The following FLT3 variants were observed in gnomAD, a reference collection of about 807,000 sequenced individuals.
The protein encoded by FLT3 is fms related receptor tyrosine kinase 3.
A neutral mutation model predicts 126.6 loss-of-function variants in FLT3; 46 were observed. The ratio of observed to expected loss-of-function variants is 0.36; its 90% CI spans 0.29 to 0.46. The LOEUF is 0.46. FLT3 is among the 20% of genes least tolerant of loss of function. FLT3 has a pLI of 1.00. For synonymous variants in FLT3, 404 were observed against 434.4 expected (o/e 0.93, Z 0.87); for missense variants, 1,069 against 1,190.3 (o/e 0.90, Z 1.50).
At chr13:28,091,329 C>G (rs1412444357) in intron 1 of FLT3, among the ~76,000 whole-genome samples, 9 of 140,726 alleles carry the variant, frequency 6.4e-5, no homozygotes, top group Non-Finnish European at 1.2e-4. Context: ...TCACGCCATT[C>G]TCCTGCCTCA....
At chr13:28,024,129 C>T (rs1220427175) in intron 18 of FLT3, among the ~76,000 whole-genome samples, 28 of 98,886 alleles carry the variant, frequency 2.8e-4, no homozygotes, top group African/African-American at 6.1e-4. Context: ...CTTTTTTTTT[C>T]TTTCTTTCTT....
At chr13:28,097,635 G>C (rs1413235230) in intron 1 of FLT3, among the ~76,000 whole-genome samples, 1 of 152,172 alleles carries the variant, frequency 6.6e-6, no homozygotes, top group Non-Finnish European at 1.5e-5. Flanking sequence ...GCAAAAATTA[G>C]AACTAGAGTT....
At position 28,023,456 on chromosome 13, in the gene FLT3, T is replaced by G. The variant is rs149791635; in HGVS notation, c.2312A>C (p.Gln771Pro). The G allele has an allele frequency of 3.4e-4, 556 of 1,614,044 alleles. 2 individuals are homozygous for G. In the African/African-American group the frequency reaches 4.2e-3, roughly 12 times the overall value. Reference sequence around the variant, plus strand: ...GTCCTCCTCTTCTTCCAGCCTTTTTTGGTTTTCATATTCAATTTCATCTGT... The same window carrying G: ...GTCCTCCTCTTCTTCCAGCCTTTTTGGGTTTTCATATTCAATTTCATCTGT... ...HSEDEIEYEN[Q>P]KRLEEEEDLN... Residue 771 changes from glutamine to proline, a missense_variant, in exon 19 of 24, where the codon CAA (glutamine) becomes CCA (proline). Coordinates refer to ENST00000241453, the MANE Select transcript of FLT3 (RefSeq NM_004119.3).
intron 23 of FLT3, among the ~76,000 whole-genome samples, chr13:28,004,905 G>A (rs894765038): frequency 2.6e-5 from 4 of 152,154 alleles, no homozygotes; most frequent in Admixed American, 2.0e-4. Flanking sequence ...TAATACAAGG[G>A]ACTGATTCTT....
chr13:28,041,026 C>A (rs1407171575), intron 9 of FLT3, among the ~76,000 whole-genome samples: 3 of 150,656 alleles, frequency 2.0e-5, no homozygotes, highest in Non-Finnish European at 4.4e-5. Flanking sequence ...GCTTTGTTAA[C>A]AAGAAGGCTG....
At position 28,070,494 on chromosome 13, in the gene FLT3, G is replaced by A. The variant is rs746961693; in HGVS notation, c.162C>T (p.Pro54=). The change falls in exon 2 of 24, where the codon CCC becomes CCT. Residue 54 remains proline, a synonymous_variant. Coordinates refer to ENST00000241453, the MANE Select transcript of FLT3 (RefSeq NM_004119.3). ...DSSVGKSSSY[P]MVSESPEDLG... is the part of the protein sequence containing the mutation. ...TATAATTTTAATGTTACTTTACCAT[G>A]GGATATGATGATGACTTCCCCACTG... is the stretch of plus-strand genomic sequence containing the variant. 5 of 1,608,510 alleles carry A rather than the reference G, an allele frequency of 3.1e-6. No individual in the cohort carries two copies. Among genetic ancestry groups the A allele is most frequent in the Non-Finnish European group, 4.3e-6 (5 of 1,176,438 alleles).
At chr13:28,075,679 C>G (rs1009683146) in intron 1 of FLT3, among the ~76,000 whole-genome samples, 2 of 151,160 alleles carry the variant, frequency 1.3e-5, no homozygotes, top group South Asian at 2.1e-4. Context: ...GAGCAGGGAT[C>G]ACGCCATTGC....
In FLT3 at chr13:28,100,051, T is replaced by C. The variant is rs1459472235; in HGVS notation, c.43+417A>G. Among the ~76,000 whole-genome samples the C allele has an allele frequency of 6.6e-6, 1 of 152,088 alleles. No homozygotes were observed. Among genetic ancestry groups the C allele is most frequent in the African/African-American group, 2.4e-5 (1 of 41,436 alleles). ...AAAGACGACACCCAGGTGTCTACAG[T>C]ATCCAAGGGCCGGGCCAGGAGAGGT... On this transcript the variant is annotated intron_variant, in intron 1 of 23. Transcript: ENST00000241453. The surrounding 1 kb of genome is among the most constrained non-coding windows in gnomAD (Gnocchi z 4.8).
chr13:28,061,599 T>G (rs1876568188), intron 3 of FLT3, among the ~76,000 whole-genome samples: 1 of 150,916 alleles, frequency 6.6e-6, no homozygotes, highest in Admixed American at 6.6e-5. Flanking sequence ...AAAACCATGG[T>G]GCCTAGAAAA....
At chr13:28,059,403 C>A (rs903335432) in intron 3 of FLT3, among the ~76,000 whole-genome samples, 1 of 152,104 alleles carries the variant, frequency 6.6e-6, no homozygotes, top group African/African-American at 2.4e-5. Flanking sequence ...CATCTCATTT[C>A]GGCAAGAGGA....
Position 28,033,936 on chromosome 13 carries a change from T to G in FLT3, c.1893A>C (p.Gly631=). ...FGKVMNATAY[G]ISKTGVSIQV... is the part of the protein sequence containing the mutation. ...GGATTGAGACTCCTGTTTTGCTAAT[T>G]CCATAAGCTGTTGCGTTCATCACTT... The change falls in exon 15 of 24, where the codon GGA becomes GGC. Residue 631 remains glycine, a synonymous_variant. Coordinates refer to ENST00000241453, the MANE Select transcript of FLT3 (RefSeq NM_004119.3). 1 of 1,614,214 alleles carries G rather than the reference T, an allele frequency of 6.2e-7. No individual in the cohort carries two copies. Among genetic ancestry groups the G allele is most frequent in the Non-Finnish European group, 8.5e-7 (1 of 1,180,044 alleles).
rs369177963 is a variant in FLT3, at chr13:28,018,560, G to C, written c.2448C>G (p.Asn816Lys). 1 of 1,614,110 alleles carries C rather than the reference G, an allele frequency of 6.2e-7. No individual in the cohort carries two copies. The highest frequency in any genetic ancestry group is 8.5e-7 in the Non-Finnish European group (1 of 1,179,982). The change falls in exon 20 of 24, where the codon AAC (asparagine) becomes AAG (lysine). Residue 816 changes from asparagine (N) to lysine (K), a missense_variant. Coordinates refer to ENST00000241453, the MANE Select transcript of FLT3 (RefSeq NM_004119.3). Reference sequence around the variant, plus strand: ...CCACTTTCCCGTGGGTGACAAGCACGTTCCTGGCGGCCAGGTCTCTGTGAA... The same window carrying C: ...CCACTTTCCCGTGGGTGACAAGCACCTTCCTGGCGGCCAGGTCTCTGTGAA... ...SCVHRDLAAR[N>K]VLVTHGKVVK...
At chr13:28,050,842 T>TTA (rs1875381031) in intron 5 of FLT3, among the ~76,000 whole-genome samples, 1 of 146,616 alleles carries the variant, frequency 6.8e-6, no homozygotes, top group African/African-American at 2.5e-5. Context: ...GGTCCTATTT[T>TTA]AAAAAAAAAA....
intron 15 of FLT3, among the ~76,000 whole-genome samples, chr13:28,030,189 C>T (rs1490538704): frequency 2.6e-5 from 4 of 152,298 alleles, no homozygotes; most frequent in South Asian, 2.1e-4. Flanking sequence ...GGCAAGCTCT[C>T]AGGGGTATCC....
intron 3 of FLT3, among the ~76,000 whole-genome samples, chr13:28,060,733 TAG>T (rs1203204448): frequency 2.0e-5 from 3 of 151,996 alleles, no homozygotes; most frequent in Non-Finnish European, 4.4e-5. Flanking sequence ...GCCTCCCAAG[TAG>T]CTGTGATTAC....
In FLT3 at chr13:28,004,076, C is replaced by G; in HGVS notation, c.2958G>C (p.Pro986=). 6.2e-7 allele frequency: 1 copy of G among 1,613,992 alleles called. No individual in the cohort carries two copies. Among genetic ancestry groups the G allele is most frequent in the South Asian group, 1.1e-5 (1 of 91,070 alleles). The change falls in exon 24 of 24, where the codon CCG becomes CCC. Residue 986 remains proline, a synonymous_variant. Coordinates refer to ENST00000241453, the MANE Select transcript of FLT3 (RefSeq NM_004119.3). Reference sequence around the variant, plus strand: ...TCTACGAATCTTCGACCTGAGCCTGCGGAGAGAGTAGCCCCAAATCCATCT... The same window carrying G: ...TCTACGAATCTTCGACCTGAGCCTGGGGAGAGAGTAGCCCCAAATCCATCT... ...SREMDLGLLS[P]QAQVEDS
chr13:28,050,450 C>T lies in FLT3; in HGVS notation c.615-228G>A, dbSNP rs4769589. On this transcript the variant is annotated intron_variant, in intron 5 of 23. Transcript: ENST00000241453. The stretch of plus-strand genomic sequence containing the variant: ...CATAACACTAAGGAGAATTACATAA[C>T]AAAACAGTTTAAAATTGTTCATGTT... 0.27 allele frequency among the ~76,000 whole-genome samples: 40,776 copies of T among 151,700 alleles called. 6,553 individuals carry two copies. Among genetic ancestry groups the T allele is most frequent in the African/African-American group, 0.45 (18,410 of 41,350 alleles).
At chr13:28,028,790 C>CAT (rs1873053482) in intron 15 of FLT3, among the ~76,000 whole-genome samples, 1 of 141,188 alleles carries the variant, frequency 7.1e-6, no homozygotes. Flanking sequence ...TTCTTTCTTT[C>CAT]TTTTTTTTTG....
intron 1 of FLT3, among the ~76,000 whole-genome samples, chr13:28,077,458 T>G (rs56154811): frequency 3.9e-5 from 6 of 152,140 alleles, no homozygotes; most frequent in Admixed American, 3.9e-4. Context: ...GTGAGACTTA[T>G]TCCCATCAAA....
Sources: allele counts gnomAD v4.1 joint callset (sites outside exome capture counted in the v4.1 genomes callset), GRCh38; gene constraint gnomAD v4.1.1; non-coding constraint Gnocchi (gnomAD v3.1); transcripts MANE v1.5; gene names NCBI Gene and HGNC (gene_info 2026-07-23, HGNC 2026-07-21).